The following NDST4 variants were observed in gnomAD, a reference collection of about 807,000 sequenced individuals.
NDST4 encodes N-deacetylase and N-sulfotransferase 4.
NDST4 carries 63 observed loss-of-function variants against 100.8 expected under a neutral mutation model. The observed-to-expected ratio is 0.62, with a 90% confidence interval of 0.51 to 0.77. NDST4 has a LOEUF of 0.77. Ranked by LOEUF, NDST4 falls within the 30% of genes least tolerant of loss-of-function variation. NDST4 has a pLI of 0.00. For missense variants in NDST4, 943 were observed against 1,018.4 expected, an observed-to-expected ratio of 0.93 and a Z score of 1.01; for synonymous variants, 377 against 361.8, an observed-to-expected ratio of 1.04 and a Z score of -0.48.
intron 2 of NDST4, among the ~76,000 whole-genome samples, chr4:115,021,661 G>A (rs998032509): frequency 1.4e-5 from 2 of 141,070 alleles, no homozygotes; most frequent in East Asian, 2.1e-4. Flanking sequence ...ATATACACAC[G>A]TTCCACATAT....
intron 9 of NDST4, among the ~76,000 whole-genome samples, chr4:114,847,966 A>G (rs1723590735): frequency 6.6e-6 from 1 of 152,230 alleles, no homozygotes; most frequent in South Asian, 2.1e-4. Flanking sequence ...AATAATTCTG[A>G]TGAAATATAT....
At chr4:114,971,145 TAA>T (rs1726506063) in intron 3 of NDST4, among the ~76,000 whole-genome samples, 4 of 152,118 alleles carry the variant, frequency 2.6e-5, no homozygotes, top group Admixed American at 2.6e-4. Context: ...ACTTATATTT[TAA>T]AAGTTTAGCT....
At chr4:114,964,538 T>G (rs1458739145) in intron 4 of NDST4, among the ~76,000 whole-genome samples, 2 of 152,240 alleles carry the variant, frequency 1.3e-5, no homozygotes, top group South Asian at 4.1e-4. Context: ...AATTGGCAGG[T>G]GTTCCATATG....
intron 13 of NDST4, among the ~76,000 whole-genome samples, chr4:114,828,811 A>C (rs937656328): frequency 2.0e-5 from 3 of 152,112 alleles, no homozygotes; most frequent in African/African-American, 7.2e-5. Flanking sequence ...AGCCCTCCTC[A>C]ATATTTCAAC....
At chr4:114,946,144 T>G (rs1255251032) in intron 4 of NDST4, among the ~76,000 whole-genome samples, 3 of 152,238 alleles carry the variant, frequency 2.0e-5, no homozygotes, top group Non-Finnish European at 4.4e-5. Context: ...TTCATTCACA[T>G]TGTATAAAAT....
At chr4:115,091,105 G>A (rs1729510686) in intron 1 of NDST4, among the ~76,000 whole-genome samples, 1 of 151,938 alleles carries the variant, frequency 6.6e-6, no homozygotes, top group South Asian at 2.1e-4. Context: ...TTTCTGAAAG[G>A]AAGAGAGGTA....
At chr4:114,890,191 T>C (rs1240090837) in intron 6 of NDST4, among the ~76,000 whole-genome samples, 1 of 152,156 alleles carries the variant, frequency 6.6e-6, no homozygotes, top group African/African-American at 2.4e-5. Context: ...TGGAAAGCTC[T>C]GTTTTATAAA....
rs1266230572 is a variant in NDST4, at chr4:114,946,125, CA to C, written c.1222-8623del. Among the ~76,000 whole-genome samples the C allele has an allele frequency of 5.3e-5, 8 of 152,276 alleles. No homozygotes were observed. In the East Asian group the frequency reaches 1.4e-3, roughly 26 times the overall value. ...GCTTAAAGGGGACTAATGGAAAAAC[CA>C]GCAAGTTTTCATTCACATTGTATAA... On this transcript the variant is annotated intron_variant, in intron 4 of 13. Transcript: ENST00000264363.
chr4:114,864,461 C>A (rs1723982109), intron 7 of NDST4, among the ~76,000 whole-genome samples: 1 of 152,138 alleles, frequency 6.6e-6, no homozygotes, highest in East Asian at 1.9e-4. Context: ...AATGCCCTTT[C>A]CAAGTTGTAT....
intron 2 of NDST4, among the ~76,000 whole-genome samples, chr4:115,072,223 G>A (rs1729092396): frequency 1.3e-5 from 2 of 151,988 alleles, no homozygotes; most frequent in Admixed American, 6.5e-5. Flanking sequence ...TAAATGGAAA[G>A]CTTATCCCCA....
intron 4 of NDST4, among the ~76,000 whole-genome samples, chr4:114,966,137 A>T (rs896490143): frequency 3.0e-4 from 45 of 152,068 alleles, no homozygotes; most frequent in African/African-American, 1.1e-3. Flanking sequence ...AAGATCCTGT[A>T]TACAAACACA....
chr4:114,938,426 T>C (rs1380297450), intron 4 of NDST4, among the ~76,000 whole-genome samples: 3 of 152,368 alleles, frequency 2.0e-5, no homozygotes, highest in Admixed American at 1.3e-4. Context: ...TATTGCTAGG[T>C]ACATAAAATA....
intron 7 of NDST4, among the ~76,000 whole-genome samples, chr4:114,859,754 T>A (rs895671644): frequency 2.6e-5 from 4 of 152,320 alleles, no homozygotes; most frequent in African/African-American, 4.8e-5. Flanking sequence ...AATTGGCCTG[T>A]GACTAGTTCT....
At chr4:115,021,168 T>A (rs1455013547) in intron 2 of NDST4, among the ~76,000 whole-genome samples, 2 of 151,780 alleles carry the variant, frequency 1.3e-5, no homozygotes, top group Admixed American at 6.6e-5. Flanking sequence ...TAAATGCCCA[T>A]CAATCAGTGA....
intron 2 of NDST4, among the ~76,000 whole-genome samples, chr4:115,055,347 C>G (rs2126280744): frequency 1.3e-5 from 2 of 152,216 alleles, no homozygotes; most frequent in Middle Eastern, 3.4e-3. Context: ...CATCCTCTTA[C>G]CTCTCGTCTG....
At chr4:114,922,052 C>T (rs1725299712) in intron 6 of NDST4, among the ~76,000 whole-genome samples, 1 of 152,152 alleles carries the variant, frequency 6.6e-6, no homozygotes, top group Non-Finnish European at 1.5e-5. Flanking sequence ...CCCCCCACCG[C>T]CTTCCAGTCA....
intron 2 of NDST4, among the ~76,000 whole-genome samples, chr4:115,006,047 A>G (rs373029904): frequency 2.3e-4 from 29 of 126,662 alleles, no homozygotes; most frequent in South Asian, 1.1e-3. Flanking sequence ...AAAAAAAAAA[A>G]AAGAAGAAGA....
chr4:114,925,934 G>A (rs866146277), intron 6 of NDST4, among the ~76,000 whole-genome samples: 3 of 152,212 alleles, frequency 2.0e-5, no homozygotes, highest in African/African-American at 7.2e-5. Flanking sequence ...TATACTTATT[G>A]TGGAAACCAT....
chr4:114,967,555 C>T (rs767197942), intron 4 of NDST4, among the ~76,000 whole-genome samples: 5 of 151,954 alleles, frequency 3.3e-5, no homozygotes, highest in Non-Finnish European at 5.9e-5. Flanking sequence ...ACGCAAGGCT[C>T]TAGAGTAGGA....
Sources: allele counts gnomAD v4.1 joint callset (sites outside exome capture counted in the v4.1 genomes callset), GRCh38; gene constraint gnomAD v4.1.1; transcripts MANE v1.5; gene names NCBI Gene and HGNC (gene_info 2026-07-23, HGNC 2026-07-21).